GRID2: variants seen among roughly 807,000 people sequenced by gnomAD.
The protein encoded by GRID2 is glutamate ionotropic receptor delta type subunit 2, also known as glutamate receptor ionotropic, delta-2.
A neutral mutation model predicts 114.8 loss-of-function variants in GRID2; 33 were observed. The ratio of observed to expected loss-of-function variants is 0.29; its 90% CI spans 0.22 to 0.38. The LOEUF is 0.38. Ranked by LOEUF, GRID2 falls within the 10% of genes least tolerant of loss-of-function variation. GRID2 has a pLI of 1.00. For missense variants in GRID2, 1,184 were observed against 1,257.7 expected, an observed-to-expected ratio of 0.94 and a Z score of 0.89; for synonymous variants, 505 against 449.9, an observed-to-expected ratio of 1.12 and a Z score of -1.55.
At chr4:92,372,114 T>C (rs886455273) in intron 1 of GRID2, among the ~76,000 whole-genome samples, 1 of 152,144 alleles carries the variant, frequency 6.6e-6, no homozygotes, top group African/African-American at 2.4e-5. Flanking sequence ...GAGTTACGCA[T>C]AGATAAGCAA....
At chr4:92,625,411 A>C (rs1351873593) in intron 2 of GRID2, among the ~76,000 whole-genome samples, 1 of 151,796 alleles carries the variant, frequency 6.6e-6, no homozygotes, top group East Asian at 1.9e-4. Flanking sequence ...ACTGAAGATC[A>C]AGTAGATAAT....
At chr4:92,369,201 G>A (rs1182877124) in intron 1 of GRID2, among the ~76,000 whole-genome samples, 2 of 151,822 alleles carry the variant, frequency 1.3e-5, no homozygotes, top group African/African-American at 2.4e-5. Context: ...TACATCTTTT[G>A]ACTCAATGAC....
intron 12 of GRID2, among the ~76,000 whole-genome samples, chr4:93,496,990 T>G (rs1441159367): frequency 6.6e-6 from 1 of 151,790 alleles, no homozygotes; most frequent in African/African-American, 2.4e-5. Context: ...ATTTTGTGTT[T>G]CCACCTGCAT....
At chr4:93,693,807 G>GA (rs1280196289) in intron 14 of GRID2, among the ~76,000 whole-genome samples, 7 of 151,926 alleles carry the variant, frequency 4.6e-5, no homozygotes, top group Non-Finnish European at 1.0e-4. Context: ...CAAAAAATCT[G>GA]AAAAAATATA....
Position 92,305,330 on chromosome 4 carries a change from T to C in GRID2, c.88+586T>C, listed in dbSNP as rs554191824. Among the ~76,000 whole-genome samples the C allele has an allele frequency of 2.0e-5, 3 of 152,236 alleles. No homozygotes were observed. In the East Asian group the frequency reaches 5.8e-4, roughly 30 times the overall value. ...TCTTCTTGGCTTTATGATCCTTGCG[T>C]GTAGTCTTTGAGACGGTGGCAGGAG... On this transcript the variant is annotated intron_variant, in intron 1 of 15. Transcript: ENST00000282020.
intron 2 of GRID2, chr4:92,822,462 G>T (rs531397052): frequency 9.9e-5 from 47 of 472,620 alleles, no homozygotes; most frequent in South Asian, 7.8e-4. Context: ...TAGGTGAGAA[G>T]TGGACATAAG....
chr4:92,703,724 G>A (rs1206951707), intron 2 of GRID2, among the ~76,000 whole-genome samples: 1 of 150,874 alleles, frequency 6.6e-6, no homozygotes, highest in Non-Finnish European at 1.5e-5. Context: ...TCCATTAATT[G>A]ATAGCTATTG....
At chr4:92,426,667 A>G (rs1732173011) in intron 1 of GRID2, among the ~76,000 whole-genome samples, 1 of 152,130 alleles carries the variant, frequency 6.6e-6, no homozygotes, top group Non-Finnish European at 1.5e-5. Flanking sequence ...ACAAGAGCAA[A>G]TATCTTTCCT....
At chr4:92,548,660 C>T (rs1342525331) in intron 1 of GRID2, among the ~76,000 whole-genome samples, 2 of 151,642 alleles carry the variant, frequency 1.3e-5, no homozygotes, top group Non-Finnish European at 2.9e-5. Context: ...TCCCAAAGTG[C>T]TGGGATTACA....
intron 8 of GRID2, among the ~76,000 whole-genome samples, chr4:93,329,257 G>T (rs932553240): frequency 6.6e-6 from 1 of 152,010 alleles, no homozygotes; most frequent in African/African-American, 2.4e-5. Flanking sequence ...AAAACTGGAG[G>T]CATTGACATT....
In GRID2 at chr4:93,657,498, A is replaced by G. The variant is rs184400081; in HGVS notation, c.2360+31063A>G. Among the ~76,000 whole-genome samples the G allele has an allele frequency of 3.3e-5, 5 of 152,316 alleles. No homozygotes were observed. In the South Asian group the frequency reaches 8.3e-4, roughly 25 times the overall value. On this transcript the variant is annotated intron_variant, in intron 14 of 15. Coordinates refer to ENST00000282020, the MANE Select transcript of GRID2 (RefSeq NM_001510.4). ...GGAACTATTCGATTTGATGGGACAT[A>G]AATCTTTTTATCGTAATGTCATCCT...
At chr4:92,621,968 T>A (rs767861612) in intron 2 of GRID2, among the ~76,000 whole-genome samples, 1 of 151,768 alleles carries the variant, frequency 6.6e-6, no homozygotes, top group Non-Finnish European at 1.5e-5. Context: ...AGAGGAGAAA[T>A]TTGTTAAACA....
rs529033401 is a variant in GRID2, at chr4:93,437,318, T to G, written c.1545+14350T>G. 1.3e-4 allele frequency among the ~76,000 whole-genome samples: 20 copies of G among 152,260 alleles called. No individual in the cohort carries two copies. The South Asian group carries it at 4.1e-3, about 32-fold the overall frequency. On this transcript the variant is annotated intron_variant, in intron 10 of 15. Transcript: ENST00000282020. ...GTCACATAGCCAAGTTGTAGAGAAT[T>G]AATTATTCAAATTCAGGAAGTTTGG...
At chr4:92,638,588 A>T (rs1731187667) in intron 2 of GRID2, among the ~76,000 whole-genome samples, 1 of 149,772 alleles carries the variant, frequency 6.7e-6, no homozygotes, top group African/African-American at 2.4e-5. Context: ...TGATAATGAA[A>T]TTCGAGAGTA....
At chr4:92,578,042 T>TTCTTCTTCC (rs1727981003) in intron 1 of GRID2, among the ~76,000 whole-genome samples, 3 of 3,384 alleles carry the variant, frequency 8.9e-4, no homozygotes, top group African/African-American at 2.0e-3. Flanking sequence ...GAAACTTAGT[T>TTCTTCTTCC]TCTTCTTCTT....
Position 93,513,062 on chromosome 4 carries a change from G to A in GRID2, c.1998-2154G>A, listed in dbSNP as rs145173043. 3.5e-3 allele frequency among the ~76,000 whole-genome samples: 538 copies of A among 152,256 alleles called. 2 individuals carry two copies. The highest frequency in any genetic ancestry group is 0.012 in the African/African-American group (516 of 41,558). On this transcript the variant is annotated intron_variant, in intron 12 of 15. Transcript: ENST00000282020. ...AGATTAAAACCTTCTGATCATTATA[G>A]TTGAGTTTGATTGTTAGTACTGCCA... is the stretch of plus-strand genomic sequence containing the variant.
At chr4:92,339,665 T>C (rs1224249913) in intron 1 of GRID2, among the ~76,000 whole-genome samples, 1 of 152,180 alleles carries the variant, frequency 6.6e-6, no homozygotes, top group Non-Finnish European at 1.5e-5. Context: ...CCTGAGTTTT[T>C]TCTTTAACCC....
intron 14 of GRID2, among the ~76,000 whole-genome samples, chr4:93,741,744 T>C (rs1731437545): frequency 6.6e-6 from 1 of 151,950 alleles, no homozygotes. Flanking sequence ...GCTAACATGG[T>C]GAAACCCCAT....
intron 4 of GRID2, among the ~76,000 whole-genome samples, chr4:93,168,050 G>C (rs1461705944): frequency 6.6e-6 from 1 of 151,972 alleles, no homozygotes; most frequent in Non-Finnish European, 1.5e-5. Context: ...ATAAAACTTA[G>C]CGAGGTGTAG....
Sources: gnomAD v4.1 joint callset for allele counts (sites outside exome capture counted in the v4.1 genomes callset) on GRCh38, gnomAD v4.1.1 for gene constraint, MANE v1.5 for transcripts, NCBI Gene and HGNC (gene_info 2026-07-23, HGNC 2026-07-21) for gene names.